Variants in ATP6V0A1 observed in about 807,000 individuals in gnomAD.
ATP6V0A1 encodes ATPase H+ transporting V0 subunit a1, also known as V-type proton ATPase 116 kDa subunit a 1.
A neutral mutation model predicts 105.4 loss-of-function variants in ATP6V0A1; 43 were observed. The ratio of observed to expected loss-of-function variants is 0.41; its 90% CI spans 0.32 to 0.53. The LOEUF (loss-of-function observed/expected upper bound fraction) is 0.53, where lower values mean the gene tolerates loss of function less well. ATP6V0A1 is among the 20% of genes least tolerant of loss of function. The pLI is 0.30. For synonymous variants in ATP6V0A1, 362 were observed against 372.8 expected, an observed-to-expected ratio of 0.97 and a Z score of 0.33; for missense variants, 676 against 1,051.1, an observed-to-expected ratio of 0.64 and a Z score of 4.93.
chr17:42,514,630 C>T (rs556883220), intron 21 of ATP6V0A1, among the ~76,000 whole-genome samples, 170 bp downstream of exon 21: 5 of 152,158 alleles, frequency 3.3e-5, no homozygotes, highest in South Asian at 2.1e-4. Context: ...CACAGAGTTT[C>T]GGAAAATGGT....
intron 2 of ATP6V0A1, among the ~76,000 whole-genome samples, chr17:42,463,564 T>C (rs927866537): frequency 3.3e-5 from 5 of 152,230 alleles, no homozygotes; most frequent in African/African-American, 1.2e-4. Flanking sequence ...CACCACAGTG[T>C]TTTCATCCTT....
At chr17:42,497,087 C>T (rs1042736849) in intron 14 of ATP6V0A1, among the ~76,000 whole-genome samples, 56 of 146,496 alleles carry the variant, frequency 3.8e-4, no homozygotes, top group African/African-American at 1.1e-3. Context: ...AGATGACTTG[C>T]GGTCAGGAAA....
At chr17:42,498,306 A>G (rs1167137490) in intron 14 of ATP6V0A1, among the ~76,000 whole-genome samples, 1 of 152,202 alleles carries the variant, frequency 6.6e-6, no homozygotes, top group Admixed American at 6.5e-5. Flanking sequence ...TACAGGTAAA[A>G]TGACATGATA....
chr17:42,511,196 A>G (rs981887763), intron 19 of ATP6V0A1: 4 of 152,318 alleles, frequency 2.6e-5, no homozygotes, highest in African/African-American at 9.6e-5. Flanking sequence ...CCCACCAGAA[A>G]GATGCAAGGG....
At chr17:42,507,818 C>T in intron 18 of ATP6V0A1, 191 bp downstream of exon 18, 1 of 588,854 alleles carries the variant, frequency 1.7e-6, no homozygotes, top group Non-Finnish European at 3.1e-6. Flanking sequence ...CAGCTGTTGC[C>T]CCCAGAGCCC....
At chr17:42,515,156 G>A (rs1297677918) in intron 21 of ATP6V0A1, among the ~76,000 whole-genome samples, 1 of 152,118 alleles carries the variant, frequency 6.6e-6, no homozygotes, top group Non-Finnish European at 1.5e-5. Flanking sequence ...AACCAGCGTT[G>A]CCAGATGTAG....
At chr17:42,479,736 G>A (rs1356108138) in intron 7 of ATP6V0A1, among the ~76,000 whole-genome samples, 1 of 152,100 alleles carries the variant, frequency 6.6e-6, no homozygotes, top group Admixed American at 6.6e-5. Flanking sequence ...CCTGCCTAGG[G>A]GTGTAGTTTC....
At chr17:42,513,271 GA>G (rs1013916210) in intron 19 of ATP6V0A1, among the ~76,000 whole-genome samples, 4 of 151,124 alleles carry the variant, frequency 2.6e-5, no homozygotes, top group African/African-American at 7.3e-5. Context: ...ATCATGTAGG[GA>G]AAAAAAAATT....
chr17:42,480,723 A>G lies in ATP6V0A1; in HGVS notation c.690A>G (p.Lys230=), dbSNP rs546073271. The change falls in exon 8 of 22, where the codon AAA becomes AAG. Residue 230 remains lysine, a synonymous_variant. Coordinates refer to ENST00000343619, the MANE Select transcript of ATP6V0A1 (RefSeq NM_001130021.3). ...TTTTCTTCCAAGGCGATCAGCTGAA[A>G]AACAGAGTCAAGAAAATCTGTGAAG... ...FIIFFQGDQL[K]NRVKKICEGF... 6.2e-7 allele frequency: 1 copy of G among 1,613,946 alleles called. No homozygotes were observed. Among genetic ancestry groups the G allele is most frequent in the South Asian group, 1.1e-5 (1 of 91,026 alleles).
intron 17 of ATP6V0A1, among the ~76,000 whole-genome samples, chr17:42,503,072 T>G (rs911560323): frequency 1.3e-5 from 2 of 152,188 alleles, no homozygotes; most frequent in African/African-American, 4.8e-5. Flanking sequence ...TCTACTAAGT[T>G]TCTATTCAAA....
chr17:42,503,976 T>C (rs1165601600), intron 17 of ATP6V0A1, among the ~76,000 whole-genome samples: 1 of 152,282 alleles, frequency 6.6e-6, no homozygotes, highest in Non-Finnish European at 1.5e-5. Context: ...CTGCTAGTCT[T>C]AGCATATATA....
At chr17:42,471,016 G>A (rs1463536439) in intron 5 of ATP6V0A1, 1 of 152,054 alleles carries the variant, frequency 6.6e-6, no homozygotes. Flanking sequence ...CCAGCTACTC[G>A]AGAGGCTGAG....
chr17:42,467,225 CA>C (rs2087204088), intron 3 of ATP6V0A1, among the ~76,000 whole-genome samples: 1 of 151,776 alleles, frequency 6.6e-6, no homozygotes, highest in East Asian at 1.9e-4. Context: ...TTACTTTATT[CA>C]TTCTCCACAA....
At chr17:42,470,299 A>T in intron 5 of ATP6V0A1, 81 bp downstream of exon 5, 1 of 1,521,288 alleles carries the variant, frequency 6.6e-7, no homozygotes, top group South Asian at 1.2e-5. Flanking sequence ...TCCAGTAATT[A>T]TTTTAATTTG....
intron 10 of ATP6V0A1, among the ~76,000 whole-genome samples, chr17:42,487,630 A>G (rs1331149091): frequency 6.6e-6 from 1 of 152,144 alleles, no homozygotes; most frequent in East Asian, 1.9e-4. Context: ...CTGGAGACTG[A>G]GGCAGAAGAA....
intron 5 of ATP6V0A1, among the ~76,000 whole-genome samples, chr17:42,473,019 T>A (rs959413326): frequency 9.2e-5 from 14 of 152,098 alleles, no homozygotes; most frequent in African/African-American, 3.4e-4. Flanking sequence ...CCTCACTAAT[T>A]TAAGGATTTG....
Position 42,508,604 on chromosome 17 carries a change from G to T in ATP6V0A1, c.2130+15G>T. 6.2e-7 allele frequency: 1 copy of T among 1,613,960 alleles called. No individual in the cohort carries two copies. The highest frequency in any genetic ancestry group is 8.5e-7 in the Non-Finnish European group (1 of 1,179,874). ...AGGACGAAGTGGTAAGATGAAAGCT[G>T]GCGTTGCCTTCGTGTTTATCCGGGC... On this transcript the variant is annotated intron_variant, in intron 19 of 21. Coordinates refer to ENST00000343619, the MANE Select transcript of ATP6V0A1 (RefSeq NM_001130021.3).
chr17:42,496,163 G>A (rs569100672), intron 14 of ATP6V0A1: 1 of 160,250 alleles, frequency 6.2e-6, no homozygotes, highest in East Asian at 1.8e-4. Flanking sequence ...TATGTATTCA[G>A]AGGACTTCTA....
At chr17:42,498,874 C>A in intron 14 of ATP6V0A1, 50 bp from the exon 15 acceptor site, 1 of 1,248,048 alleles carries the variant, frequency 8.0e-7, no homozygotes, top group Non-Finnish European at 1.2e-6. Flanking sequence ...GAATATTTTT[C>A]CCTTTGAGAA....
Sources: allele counts gnomAD v4.1 joint callset (sites outside exome capture counted in the v4.1 genomes callset), GRCh38; gene constraint gnomAD v4.1.1; transcripts MANE v1.5; gene names NCBI Gene and HGNC (gene_info 2026-07-23, HGNC 2026-07-21).